SLC12A2: variants seen among roughly 807,000 people sequenced by gnomAD.
The protein encoded by SLC12A2 is Na-K-2Cl cotransporter 1.
Under a neutral mutation model 136.3 loss-of-function variants are expected in SLC12A2, and 67 were observed. That is an observed-to-expected ratio of 0.49 (90% CI 0.40 to 0.60). The LOEUF is 0.60. Ranked by LOEUF, SLC12A2 falls within the 20% of genes least tolerant of loss-of-function variation. The probability of loss-of-function intolerance (pLI) is 0.00; values close to 1 mark genes in which losing one functional copy is unlikely to be tolerated. For synonymous variants in SLC12A2, 619 were observed against 562.9 expected (o/e 1.10, Z -1.41); for missense variants, 1,322 against 1,534.7 (o/e 0.86, Z 2.32).
rs1340823313 is a variant in SLC12A2, at chr5:128,084,298, A to G, written c.344A>G (p.Gln115Arg). 3.3e-6 allele frequency: 5 copies of G among 1,501,396 alleles called. No homozygotes were observed. Among genetic ancestry groups the G allele is most frequent in the Non-Finnish European group, 4.4e-6 (5 of 1,131,104 alleles). 93.0% of individuals were successfully genotyped at this position (1,501,396 alleles called of 1,614,324 possible). A position where few individuals can be genotyped will look rare whatever the true frequency, so the allele number is the denominator to read the frequency against. ...GCTGGTGCTGGGGCGGGGGCCAAGC[A>G]GACCCCCGCGGACGGGGAAGCCAGC... ...AAAGAGAGAK[Q>R]TPADGEASGE... The change falls in exon 1 of 27, where the codon CAG (glutamine) becomes CGG (arginine). Residue 115 changes from glutamine to arginine, a missense_variant. By Grantham distance (43) the Gln-to-Arg change is conservative. Transcript: ENST00000262461. This position sits in a 1 kb window ranked among gnomAD's most constrained non-coding sequence, Gnocchi z 5.6.
chr5:128,188,326 T>C lies in SLC12A2; in HGVS notation c.*1695T>C, dbSNP rs3101725. 114,603 of 138,928 alleles carry C rather than the reference T, an allele frequency of 0.82. 48,004 individuals carry two copies. The highest frequency in any genetic ancestry group is 0.95 in the African/African-American group (34,550 of 36,228). The allele number at this position is 138,928 out of a possible 1,614,324, so 8.6% of individuals were successfully genotyped here. A position where few individuals can be genotyped will look rare whatever the true frequency, so the allele number is the denominator to read the frequency against. On this transcript the variant is annotated 3_prime_UTR_variant, in exon 27 of 27. Coordinates refer to ENST00000262461, the MANE Select transcript of SLC12A2 (RefSeq NM_001046.3). ...TTTTTTTTTTTTTGAGACGGAGTCT[T>C]GCTCTGTTGCCACGCTGGAATGCAG... is the stretch of plus-strand genomic sequence containing the variant.
Position 128,138,624 on chromosome 5 carries a change from C to A in SLC12A2, c.1436C>A (p.Pro479His). The part of the protein sequence containing the change: ...KSEIFNENFG[P>H]DFREEETFFS... ...GAAATATTTAATGAGAACTTTGGGC[C>A]CGATTTTCGAGAGGAAGAGACTTTC... The change falls in exon 8 of 27, where the codon CCC (proline) becomes CAC (histidine). Residue 479 changes from proline to histidine, a missense_variant. Pro to His is a moderately conservative substitution (Grantham distance 77, BLOSUM62 -2). Around this residue, in one of 8 missense-constraint regions of SLC12A2, gnomAD observed 110 missense variants for 114.5 expected, o/e 0.96. Coordinates refer to ENST00000262461, the MANE Select transcript of SLC12A2 (RefSeq NM_001046.3). The A allele has an allele frequency of 6.2e-7, 1 of 1,611,188 alleles. No homozygotes were observed.
At chr5:128,131,959 C>T (rs908598638) in intron 5 of SLC12A2, among the ~76,000 whole-genome samples, 6 of 152,130 alleles carry the variant, frequency 3.9e-5, no homozygotes, top group South Asian at 4.1e-4. Flanking sequence ...GAGCCGAGAT[C>T]GCGCCTTTGC....
At chr5:128,126,964 ATAT>A (rs1236068806) in intron 4 of SLC12A2, among the ~76,000 whole-genome samples, 1 of 21,684 alleles carries the variant, frequency 4.6e-5, no homozygotes, top group East Asian at 7.6e-4. Context: ...ATATATATAT[ATAT>A]TTTTTTTTTT....
At chr5:128,168,888 G>A (rs1001102265) in intron 18 of SLC12A2, 2 of 152,202 alleles carry the variant, frequency 1.3e-5, no homozygotes, top group Non-Finnish European at 2.9e-5. Flanking sequence ...CATGACCCAG[G>A]TATTGGGGAC....
At chr5:128,186,021 TCCAGC>T (rs1434533707) in intron 26 of SLC12A2, among the ~76,000 whole-genome samples, 4 of 151,960 alleles carry the variant, frequency 2.6e-5, no homozygotes, top group Non-Finnish European at 5.9e-5. Flanking sequence ...GAGTTTTGAG[TCCAGC>T]CTGGGCAATG....
chr5:128,131,172 T>C lies in SLC12A2; in HGVS notation c.1154T>C (p.Val385Ala). The C allele has an allele frequency of 6.2e-7, 1 of 1,614,188 alleles. No homozygotes were observed. Among genetic ancestry groups the C allele is most frequent in the Non-Finnish European group, 8.5e-7 (1 of 1,180,030 alleles). Residue 385 changes from valine (V) to alanine (A), a missense_variant, in exon 5 of 27, where the codon GTT (valine) becomes GCT (alanine). Val to Ala is a moderately conservative substitution (Grantham distance 64). This residue lies in a region of SLC12A2 where 71 missense variants were observed against 131.0 expected (regional missense o/e 0.54). Coordinates refer to ENST00000262461, the MANE Select transcript of SLC12A2 (RefSeq NM_001046.3). ...GCTGTTGCAGTTGCTATGTATGTGG[T>C]TGGATTTGCAGAAACCGTGGTGGAG... ...ANAVAVAMYVVGFAETVVELL... is the reference protein window; with the variant it reads ...ANAVAVAMYVAGFAETVVELL...
intron 1 of SLC12A2, among the ~76,000 whole-genome samples, chr5:128,091,288 A>G (rs780427656): frequency 6.6e-5 from 10 of 152,150 alleles, no homozygotes; most frequent in Non-Finnish European, 1.5e-4. Flanking sequence ...TGAGAAGGGC[A>G]GGTTTGGGAG....
In SLC12A2 at chr5:128,150,192, G is replaced by A. The variant is rs1205266072; in HGVS notation, c.2107+94G>A. On this transcript the variant is annotated intron_variant, in intron 13 of 26. Coordinates refer to ENST00000262461, the MANE Select transcript of SLC12A2 (RefSeq NM_001046.3). ...ACATTTTCAAAGATGTTATGTGTGG[G>A]GTTAGTTCATTAATGCCAAGTCTGT... 3 of 763,314 alleles carry A rather than the reference G, an allele frequency of 3.9e-6. No individual in the cohort carries two copies. The African/African-American group carries it at 5.3e-5, about 13-fold the overall frequency. 47.3% of individuals were successfully genotyped at this position (763,314 alleles called of 1,614,324 possible).
intron 14 of SLC12A2, 28 bp from the exon 15 acceptor site, chr5:128,152,678 A>G (rs1189429741): frequency 2.2e-6 from 3 of 1,386,240 alleles, no homozygotes; most frequent in African/African-American, 1.4e-5. Flanking sequence ...ACTGATGTTA[A>G]TGCTGCATGA....
rs184842377 is a variant in SLC12A2 at position 128,180,185 on chromosome 5, T to C, written c.3101-698T>C. On this transcript the variant is annotated intron_variant, in intron 22 of 26. Transcript: ENST00000262461. ...TGGGGTTTCATCGTGTTAGCCAGGA[T>C]GGTCTCGATCTCCTGACCTCGTGAT... 1.3e-4 allele frequency among the ~76,000 whole-genome samples: 20 copies of C among 151,896 alleles called. No individual in the cohort carries two copies. The East Asian group carries it at 3.1e-3, about 24-fold the overall frequency.
intron 4 of SLC12A2, among the ~76,000 whole-genome samples, chr5:128,122,687 T>C (rs1319386837): frequency 2.0e-5 from 3 of 152,120 alleles, no homozygotes; most frequent in Non-Finnish European, 4.4e-5. Flanking sequence ...ACATTGGAAA[T>C]AAGGAAAAAC....
intron 19 of SLC12A2, among the ~76,000 whole-genome samples, chr5:128,173,581 A>C (rs1481224823): frequency 6.6e-6 from 1 of 152,234 alleles, no homozygotes; most frequent in Non-Finnish European, 1.5e-5. Flanking sequence ...TGCTTTAAAA[A>C]TATCAGCCTT....
chr5:128,101,952 T>C (rs1434948889), intron 1 of SLC12A2, among the ~76,000 whole-genome samples: 1 of 152,154 alleles, frequency 6.6e-6, no homozygotes, highest in East Asian at 1.9e-4. Context: ...TTAAAGTCTT[T>C]TAGAGGTAAT....
chr5:128,106,943 A>G (rs905350218), intron 1 of SLC12A2, among the ~76,000 whole-genome samples: 8 of 152,150 alleles, frequency 5.3e-5, no homozygotes, highest in Non-Finnish European at 7.4e-5. Flanking sequence ...TGTGTATATT[A>G]TAGACATTAT....
rs1403308303 is a variant in SLC12A2 at position 128,126,958 on chromosome 5, AT to A, written c.1049-4108del. Among the ~76,000 whole-genome samples the A allele has an allele frequency of 1.6e-3, 47 of 28,500 alleles. 5 individuals carry two copies. Among genetic ancestry groups the A allele is most frequent in the African/African-American group, 2.1e-3 (7 of 3,350 alleles). 18.7% of individuals were successfully genotyped at this position (28,500 alleles called of 152,430 possible). A position where few individuals can be genotyped will look rare whatever the true frequency, so the allele number is the denominator to read the frequency against. Reference sequence around the variant, plus strand: ...ACAACCTACATATATATATATATATATATATATATTTTTTTTTTTTTTTTTT... The same window carrying A: ...ACAACCTACATATATATATATATATAATATATATTTTTTTTTTTTTTTTTT... On this transcript the variant is annotated intron_variant, in intron 4 of 26. Transcript: ENST00000262461.
chr5:128,181,704 C>T lies in SLC12A2; in HGVS notation c.3212+710C>T, dbSNP rs1269730599. On this transcript the variant is annotated intron_variant, in intron 23 of 26. Transcript: ENST00000262461. ...TTGTTATAATGTAGCAGTCAAGGCC[C>T]TTGACAGTCTGTCCTCTCATTCCCT... 3.9e-5 allele frequency among the ~76,000 whole-genome samples: 6 copies of T among 152,090 alleles called. No homozygotes were observed. The East Asian group carries it at 1.2e-3, about 29-fold the overall frequency.
At chr5:128,122,364 A>G (rs941529956) in intron 4 of SLC12A2, among the ~76,000 whole-genome samples, 1 of 152,200 alleles carries the variant, frequency 6.6e-6, no homozygotes, top group Admixed American at 6.5e-5. Flanking sequence ...ATGCTATGTT[A>G]TTGGAGTTTA....
chr5:128,084,314 G>T lies in SLC12A2; in HGVS notation c.360G>T (p.Gly120=). ...GAGAKQTPAD[G]EASGESEPAK... is the part of the protein sequence containing the mutation. Reference sequence around the variant, plus strand: ...GGGCCAAGCAGACCCCCGCGGACGGGGAAGCCAGCGGCGAGAGCGAGCCGG... The same window carrying T: ...GGGCCAAGCAGACCCCCGCGGACGGTGAAGCCAGCGGCGAGAGCGAGCCGG... The change falls in exon 1 of 27, where the codon GGG becomes GGT. Residue 120 remains glycine, a synonymous_variant. Coordinates refer to ENST00000262461, the MANE Select transcript of SLC12A2 (RefSeq NM_001046.3). This position sits in a 1 kb window ranked among gnomAD's most constrained non-coding sequence, Gnocchi z 5.6. 6.5e-7 allele frequency: 1 copy of T among 1,538,130 alleles called. No individual in the cohort carries two copies. The highest frequency in any genetic ancestry group is 2.4e-5 in the East Asian group (1 of 42,254).
Sources: gnomAD v4.1 joint callset for allele counts (sites outside exome capture counted in the v4.1 genomes callset) on GRCh38, gnomAD v4.1.1 for gene constraint, gnomAD v4.1.1 regional missense constraint, Gnocchi (gnomAD v3.1) non-coding constraint, MANE v1.5 for transcripts, NCBI Gene and HGNC (gene_info 2026-07-23, HGNC 2026-07-21) for gene names.